The following MACF1 variants were observed in gnomAD, a reference collection of about 807,000 sequenced individuals.
MACF1 encodes the protein microtubule actin crosslinking factor 1.
In MACF1, 193 loss-of-function variants were observed where a neutral mutation model predicts 854.8. The observed-to-expected ratio is 0.23, with a 90% CI of 0.20 to 0.25. The LOEUF (loss-of-function observed/expected upper bound fraction) is 0.25, where lower values mean the gene tolerates loss of function less well. Ranked by LOEUF, MACF1 falls within the 10% of genes least tolerant of loss-of-function variation. The probability of loss-of-function intolerance (pLI) is 1.00; values close to 1 mark genes in which losing one functional copy is unlikely to be tolerated. For missense variants in MACF1, 7,722 were observed against 8,929.1 expected (o/e 0.86, Z 5.45); for synonymous variants, 3,185 against 3,226.7 (o/e 0.99, Z 0.44).
Position 39,285,292 on chromosome 1 carries a change from T to C in MACF1, c.1260-5T>C. 1 of 1,614,176 alleles carries C rather than the reference T, an allele frequency of 6.2e-7. No homozygotes were observed. Among genetic ancestry groups the C allele is most frequent in the Non-Finnish European group, 8.5e-7 (1 of 1,180,026 alleles). ...GCACATGACTATGGTTTTATCTTAT[T>C]TCAGGCTGGAATTGCTGCTACAGAT... On this transcript the variant is annotated splice_region_variant and splice_polypyrimidine_tract_variant and intron_variant, in intron 12 of 100. Transcript: ENST00000564288.
chr1:39,447,891 C>T lies in MACF1; in HGVS notation c.19961C>T (p.Ala6654Val). Residue 6654 changes from alanine to valine, a missense_variant, in exon 82 of 101, where the codon GCA (alanine) becomes GTA (valine). Physicochemically the swap from Ala to Val is moderately conservative, Grantham distance 64. Coordinates refer to ENST00000564288, the MANE Select transcript of MACF1 (RefSeq NM_001394062.1). ...GRSLDDARKR[A>V]KQFHEAWKKL... The stretch of plus-strand genomic sequence containing the variant: ...TCACTAGATGATGCCAGGAAGCGGG[C>T]AAAACAAGTAAGTTGGGGAAGAAAG... 1.2e-6 allele frequency: 2 copies of T among 1,613,714 alleles called. No individual in the cohort carries two copies. Among genetic ancestry groups the T allele is most frequent in the South Asian group, 2.2e-5 (2 of 91,042 alleles).
At chr1:39,428,708 C>T (rs1000112737) in intron 63 of MACF1, among the ~76,000 whole-genome samples, 13 of 152,078 alleles carry the variant, frequency 8.5e-5, no homozygotes, top group African/African-American at 2.9e-4. Flanking sequence ...GTTCAAATTC[C>T]GGGGATTCTG....
At chr1:39,382,308 G>A (rs997762734) in intron 56 of MACF1, among the ~76,000 whole-genome samples, 156 bp downstream of exon 56, 2 of 152,126 alleles carry the variant, frequency 1.3e-5, no homozygotes, top group Non-Finnish European at 2.9e-5. Context: ...CATGGTGCCT[G>A]TAAAATAGTA....
In MACF1 at chr1:39,346,068, G is replaced by GAA. The variant is rs547745127; in HGVS notation, c.10582-897_10582-896dup. On this transcript the variant is annotated intron_variant, in intron 40 of 100. Transcript: ENST00000564288. ...TGGGCAACAGAGCAAGACTCTGTTT[G>GAA]AAAAAAAAAAAAAGGCCAGGCATGG... 3.4e-3 allele frequency among the ~76,000 whole-genome samples: 410 copies of GAA among 121,450 alleles called. 1 individual carries two copies. The highest frequency in any genetic ancestry group is 0.012 in the African/African-American group (391 of 32,846). 79.7% of individuals were successfully genotyped at this position (121,450 alleles called of 152,430 possible).
Position 39,340,523 on chromosome 1 carries a change from G to T in MACF1, c.10237G>T (p.Asp3413Tyr). The change falls in exon 39 of 101, where the codon GAT (aspartate) becomes TAT (tyrosine). Residue 3413 changes from aspartate to tyrosine, a missense_variant. By Grantham distance (160) the Asp-to-Tyr change is radical. This residue lies in a region of MACF1 where 854 missense variants were observed against 852.6 expected (regional missense o/e 1.00). Coordinates refer to ENST00000564288, the MANE Select transcript of MACF1 (RefSeq NM_001394062.1). ...TCAGGTATTAGAAAGGGAGTTAAAG[G>T]ATCTGACCACCTTGGTCAGTCAGGA... ...QAKVLERELK[D>Y]LTTLVSQELE... The T allele has an allele frequency of 6.2e-7, 1 of 1,613,374 alleles. No individual in the cohort carries two copies.
chr1:39,262,204 C>A (rs572120106), intron 6 of MACF1, among the ~76,000 whole-genome samples: 1 of 151,966 alleles, frequency 6.6e-6, no homozygotes, highest in East Asian at 1.9e-4. Context: ...GAGTTCAAGA[C>A]CAGCCTGGCT....
intron 2 of MACF1, among the ~76,000 whole-genome samples, chr1:39,231,510 C>A (rs1387233723): frequency 6.6e-6 from 1 of 152,098 alleles, no homozygotes; most frequent in Non-Finnish European, 1.5e-5. Flanking sequence ...GCCACCATGC[C>A]CAGCTTTTTG....
At chr1:39,399,448 C>A (rs562563301) in intron 58 of MACF1, among the ~76,000 whole-genome samples, 1 of 144,388 alleles carries the variant, frequency 6.9e-6, no homozygotes, top group Admixed American at 7.3e-5. Context: ...GATCTCGGCT[C>A]ACTGCAATTT....
At chr1:39,268,117 C>T (rs1224310812) in intron 6 of MACF1, among the ~76,000 whole-genome samples, 1 of 152,140 alleles carries the variant, frequency 6.6e-6, no homozygotes, top group African/African-American at 2.4e-5. Context: ...GCAGCTTCAC[C>T]AGGCTTGGTT....
At chr1:39,087,390 G>A (rs996199838) in intron 2 of MACF1, among the ~76,000 whole-genome samples, 1 of 152,230 alleles carries the variant, frequency 6.6e-6, no homozygotes, top group African/African-American at 2.4e-5. Context: ...GGCAAGCCTG[G>A]TGGTCACACA....
chr1:39,202,404 A>G (rs1644402256), upstream of MACF1, among the ~76,000 whole-genome samples: 1 of 151,656 alleles, frequency 6.6e-6, no homozygotes, highest in African/African-American at 2.4e-5. Flanking sequence ...TGGGAGGCCA[A>G]GGCAGTTGGA....
intron 52 of MACF1, among the ~76,000 whole-genome samples, chr1:39,377,685 C>T (rs1649843152): frequency 6.6e-6 from 1 of 152,248 alleles, no homozygotes; most frequent in East Asian, 1.9e-4. Context: ...AAGAAGGGCT[C>T]ATTTTAATGT....
rs745827214 is a variant in MACF1, at chr1:39,324,270, G to A, written c.4314G>A (p.Arg1438=). Residue 1438 remains arginine, a synonymous_variant, in exon 34 of 101, where the codon AGG becomes AGA. Coordinates refer to ENST00000564288, the MANE Select transcript of MACF1 (RefSeq NM_001394062.1). ...TGGGCTGGGTGTCTACCCTAGCGAG[G>A]AATACACAAGGAAAAGCTACCTCAT... ...ELLGWVSTLA[R]NTQGKATSSE... The A allele has an allele frequency of 1.2e-6, 2 of 1,613,848 alleles. No individual in the cohort carries two copies. The highest frequency in any genetic ancestry group is 2.2e-5 in the South Asian group (2 of 91,056).
At chr1:39,127,556 A>G (rs1355923903) in intron 2 of MACF1, among the ~76,000 whole-genome samples, 1 of 152,214 alleles carries the variant, frequency 6.6e-6, no homozygotes, top group African/African-American at 2.4e-5. Context: ...ATGGTAGAGC[A>G]GTCATTTATG....
intron 58 of MACF1, among the ~76,000 whole-genome samples, chr1:39,407,158 A>C (rs1268926445): frequency 6.6e-6 from 1 of 152,226 alleles, no homozygotes; most frequent in Non-Finnish European, 1.5e-5. Context: ...GGGTCAGGAA[A>C]GTCACCAGTT....
intron 2 of MACF1, among the ~76,000 whole-genome samples, chr1:39,247,635 T>C (rs1156358953): frequency 6.6e-6 from 1 of 152,228 alleles, no homozygotes; most frequent in East Asian, 1.9e-4. Context: ...AATATTTACA[T>C]CATGGAAATC....
At chr1:39,269,996 A>G (rs115797519) in intron 6 of MACF1, among the ~76,000 whole-genome samples, 3,068 of 152,288 alleles carry the variant, frequency 0.02, 113 homozygotes, top group African/African-American at 0.071. Flanking sequence ...TCAAGGTGCA[A>G]TGCTAGATAG....
At chr1:39,289,314 A>T (rs1441053819) in intron 15 of MACF1, among the ~76,000 whole-genome samples, 3 of 152,084 alleles carry the variant, frequency 2.0e-5, no homozygotes, top group East Asian at 3.9e-4. Context: ...GAACCTCCAA[A>T]CTGTTCTCCA....
chr1:39,165,771 A>G (rs1461002256), intron 2 of MACF1, among the ~76,000 whole-genome samples: 1 of 152,176 alleles, frequency 6.6e-6, no homozygotes, highest in Non-Finnish European at 1.5e-5. Context: ...TGGTACTTTC[A>G]ATGAATACCA....
Sources: allele counts gnomAD v4.1 joint callset (sites outside exome capture counted in the v4.1 genomes callset), GRCh38; gene constraint gnomAD v4.1.1; regional missense constraint gnomAD v4.1.1; transcripts MANE v1.5; gene names NCBI Gene and HGNC (gene_info 2026-07-23, HGNC 2026-07-21).